Variants in KCNAB1 observed in about 807,000 individuals in gnomAD.
KCNAB1 encodes the protein voltage-gated potassium channel subunit beta-1.
In KCNAB1, 35 loss-of-function variants were observed where a neutral mutation model predicts 64.6. The observed-to-expected ratio is 0.54, with a 90% confidence interval of 0.41 to 0.72. The LOEUF (loss-of-function observed/expected upper bound fraction) is 0.72, where lower values mean the gene tolerates loss of function less well. Ranked by LOEUF, KCNAB1 falls within the 30% of genes least tolerant of loss-of-function variation. The pLI is 0.00. For synonymous variants in KCNAB1, 177 were observed against 183.8 expected (o/e 0.96, Z 0.30); for missense variants, 401 against 512.9 (o/e 0.78, Z 2.11).
chr3:156,459,751 T>C, intron 4 of KCNAB1, 76 bp from the exon 5 acceptor site: 3 of 1,072,602 alleles, frequency 2.8e-6, no homozygotes, highest in Non-Finnish European at 4.2e-6. Context: ...AAACAAGGAA[T>C]GGTTCTTGTG....
At chr3:156,237,114 A>G (rs973703182) in intron 1 of KCNAB1, among the ~76,000 whole-genome samples, 1 of 152,208 alleles carries the variant, frequency 6.6e-6, no homozygotes, top group African/African-American at 2.4e-5. Context: ...GAAGGTTAGA[A>G]AAGAGTAGCT....
chr3:156,283,525 T>C (rs1933483602), intron 1 of KCNAB1, among the ~76,000 whole-genome samples: 1 of 150,816 alleles, frequency 6.6e-6, no homozygotes, highest in South Asian at 2.2e-4. Flanking sequence ...CTTGCTAGAT[T>C]GGGGAAGTTC....
At chr3:156,179,591 A>G (rs1004022873) in intron 1 of KCNAB1, among the ~76,000 whole-genome samples, 2 of 152,106 alleles carry the variant, frequency 1.3e-5, no homozygotes, top group African/African-American at 4.8e-5. Context: ...CTTCACTAAC[A>G]GCTTTATCTT....
intron 1 of KCNAB1, among the ~76,000 whole-genome samples, chr3:156,315,679 C>T (rs748905841): frequency 1.3e-4 from 20 of 151,998 alleles, no homozygotes; most frequent in Middle Eastern, 3.4e-3. Context: ...TTAAGAAAAA[C>T]GTTTCTCATT....
At chr3:156,273,560 C>G (rs1051563398) in intron 1 of KCNAB1, 3 of 456,486 alleles carry the variant, frequency 6.6e-6, no homozygotes, top group African/African-American at 6.0e-5. Context: ...CACACAGATG[C>G]TCTTTCCATG....
At chr3:156,502,386 G>T (rs1377322112) in intron 8 of KCNAB1, among the ~76,000 whole-genome samples, 1 of 151,908 alleles carries the variant, frequency 6.6e-6, no homozygotes, top group Non-Finnish European at 1.5e-5. Context: ...ACAGACACTA[G>T]CATTTATAAA....
At chr3:156,535,087 C>T (rs775646481) in intron 13 of KCNAB1, among the ~76,000 whole-genome samples, 9 of 151,928 alleles carry the variant, frequency 5.9e-5, no homozygotes, top group Admixed American at 1.3e-4. Flanking sequence ...TTAAATAACA[C>T]ATTAGCTGTT....
At chr3:156,531,812 G>A (rs375302993) in intron 13 of KCNAB1, among the ~76,000 whole-genome samples, 39 of 152,294 alleles carry the variant, frequency 2.6e-4, no homozygotes, top group African/African-American at 9.4e-4. Flanking sequence ...TTAAGTCATA[G>A]GACAATATAC....
At chr3:156,330,796 A>G (rs1576734029) in intron 1 of KCNAB1, among the ~76,000 whole-genome samples, 1 of 152,052 alleles carries the variant, frequency 6.6e-6, no homozygotes, top group Non-Finnish European at 1.5e-5. Flanking sequence ...TGCTTTTGGT[A>G]AGCCTCAGCT....
chr3:156,516,691 A>G (rs1717588555), intron 11 of KCNAB1, among the ~76,000 whole-genome samples: 1 of 152,234 alleles, frequency 6.6e-6, no homozygotes, highest in South Asian at 2.1e-4. Flanking sequence ...CATCATTTGA[A>G]ACTGATAAAA....
intron 1 of KCNAB1, among the ~76,000 whole-genome samples, chr3:156,276,973 G>A (rs2167144): frequency 0.11 from 16,129 of 152,192 alleles, 1,061 homozygotes; most frequent in Non-Finnish European, 0.15. Context: ...CTTTTGGCCT[G>A]TCTAGGCTTT....
At chr3:156,298,639 G>T (rs984358075) in intron 1 of KCNAB1, among the ~76,000 whole-genome samples, 1 of 152,074 alleles carries the variant, frequency 6.6e-6, no homozygotes, top group African/African-American at 2.4e-5. Flanking sequence ...ATGAGATTTG[G>T]ATTCAGTGAA....
chr3:156,176,650 A>T, intron 1 of KCNAB1: 1 of 1,040,306 alleles, frequency 9.6e-7, no homozygotes, highest in Non-Finnish European at 1.5e-6. Context: ...TCAGTCGGTC[A>T]AATCCTGCAG....
rs375987577 is a variant in KCNAB1, at chr3:156,235,065, A to G, written c.275+114179A>G. On this transcript the variant is annotated intron_variant, in intron 1 of 13. Coordinates refer to ENST00000490337, the MANE Select transcript of KCNAB1 (RefSeq NM_172160.3). ...GGGAACTGGGCTCCCTCGCTAGCTA[A>G]GTGTTTCACTCTGACCCACCAGCCT... Among the ~76,000 whole-genome samples, 34 of 152,332 alleles carry G rather than the reference A, an allele frequency of 2.2e-4. No homozygotes were observed. The South Asian group carries it at 6.8e-3, about 31-fold the overall frequency.
intron 1 of KCNAB1, among the ~76,000 whole-genome samples, chr3:156,223,683 C>T (rs567425377): frequency 3.4e-5 from 5 of 149,134 alleles, no homozygotes; most frequent in Middle Eastern, 3.5e-3. Flanking sequence ...AGACACAGAG[C>T]GCTGATTGGT....
intron 5 of KCNAB1, among the ~76,000 whole-genome samples, chr3:156,461,174 A>G (rs1029140271): frequency 6.6e-6 from 1 of 152,210 alleles, no homozygotes; most frequent in Non-Finnish European, 1.5e-5. Context: ...TCCATTCGCT[A>G]TGGTTGCTGC....
intron 1 of KCNAB1, among the ~76,000 whole-genome samples, chr3:156,296,571 T>C (rs1012531873): frequency 2.1e-4 from 31 of 150,370 alleles, no homozygotes; most frequent in Admixed American, 1.9e-3. Context: ...CCTCCTGGGT[T>C]CATGCCATTC....
intron 1 of KCNAB1, among the ~76,000 whole-genome samples, chr3:156,318,718 CA>C (rs1722461962): frequency 6.6e-6 from 1 of 152,136 alleles, no homozygotes; most frequent in South Asian, 2.1e-4. Context: ...TTAATGTTGA[CA>C]AATAGATTTT....
intron 1 of KCNAB1, among the ~76,000 whole-genome samples, chr3:156,359,759 C>G (rs113793416): frequency 3.5e-4 from 53 of 152,306 alleles, no homozygotes; most frequent in African/African-American, 1.2e-3. Flanking sequence ...ATAGATTATA[C>G]TTTGGGGCAA....
Sources: gnomAD v4.1 joint callset for allele counts (sites outside exome capture counted in the v4.1 genomes callset) on GRCh38, gnomAD v4.1.1 for gene constraint, MANE v1.5 for transcripts, NCBI Gene and HGNC (gene_info 2026-07-23, HGNC 2026-07-21) for gene names.